Variants in CANX observed in about 807,000 individuals in gnomAD.
The protein encoded by CANX is calnexin.
A neutral mutation model predicts 75.7 loss-of-function variants in CANX; 14 were observed. That is an observed-to-expected ratio of 0.19 (90% confidence interval 0.12 to 0.29). CANX has a LOEUF of 0.29. CANX is among the 10% of genes least tolerant of loss of function. The pLI, the probability that CANX is intolerant of heterozygous loss-of-function variation, is 1.00. For missense variants in CANX, 567 were observed against 713.2 expected (o/e 0.79, Z 2.34); for synonymous variants, 227 against 236.9 (o/e 0.96, Z 0.38).
chr5:179,698,624 G>A (rs775510154), upstream of CANX: 1 of 1,272,534 alleles, frequency 7.9e-7, no homozygotes, highest in South Asian at 1.2e-5. Flanking sequence ...CTGGGGGTTG[G>A]GTTGGAACGC....
intron 1 of CANX, among the ~76,000 whole-genome samples, chr5:179,688,479 T>G (rs993987399): frequency 1.3e-5 from 2 of 150,026 alleles, no homozygotes; most frequent in Non-Finnish European, 3.0e-5. Context: ...TTCTTCTGCC[T>G]TAGCCTGCCA....
Position 179,728,858 on chromosome 5 carries a change from G to T in CANX, c.*214G>T. On this transcript the variant is annotated 3_prime_UTR_variant, in exon 15 of 15. Transcript: ENST00000247461. ...TAAAGGACCCTGTTTCTGTAGAAAA[G>T]AAAACATTTAACATAATGGTTGTGA... is the stretch of plus-strand genomic sequence containing the variant. 1 of 629,082 alleles carries T rather than the reference G, an allele frequency of 1.6e-6. No homozygotes were observed. Among genetic ancestry groups the T allele is most frequent in the Non-Finnish European group, 2.9e-6 (1 of 342,034 alleles). 39.0% of individuals were successfully genotyped at this position (629,082 alleles called of 1,614,324 possible).
At chr5:179,698,541 C>T (rs1184258488), upstream of CANX, 1 of 1,289,440 alleles carries the variant, frequency 7.8e-7, no homozygotes, top group African/African-American at 1.5e-5. Flanking sequence ...TGCCGGCTGC[C>T]GTTTGCCCCG....
rs1003280526 is a variant in CANX, at chr5:179,678,853, G to A, written c.-4+76G>A. 6 of 1,536,534 alleles carry A rather than the reference G, an allele frequency of 3.9e-6. No individual in the cohort carries two copies. In the African/African-American group the frequency reaches 5.5e-5, roughly 14 times the overall value. ...CCTTCCAGCCCCAGGCGGTCCGCGA[G>A]AGCAGCGGCGACCGCGTCCTCGCCA... On this transcript the variant is annotated intron_variant, in intron 1 of 14. Transcript: ENST00000681674.
Position 179,708,999 on chromosome 5 carries a change from T to C in CANX, c.468T>C (p.Asn156=), listed in dbSNP as rs1581857803. The change falls in exon 6 of 15, where the codon AAT becomes AAC. Residue 156 remains asparagine, a synonymous_variant. Coordinates refer to ENST00000247461, the MANE Select transcript of CANX (RefSeq NM_001746.4). ...LIVQYEVNFQ[N]GIECGGAYVK... is the part of the protein sequence containing the mutation. ...TTAGGTATGAGGTTAATTTCCAAAA[T>C]GGAATAGAATGTGGTGGTGCCTATG... 1 of 1,595,486 alleles carries C rather than the reference T, an allele frequency of 6.3e-7. No homozygotes were observed. Among genetic ancestry groups the C allele is most frequent in the Non-Finnish European group, 8.6e-7 (1 of 1,162,986 alleles).
intron 11 of CANX, chr5:179,723,412 T>TTAA: frequency 2.1e-6 from 1 of 471,162 alleles, no homozygotes; most frequent in Non-Finnish European, 3.7e-6. Flanking sequence ...GATCCTGAGG[T>TTAA]TAAGGGAGCC....
intron 1 of CANX, among the ~76,000 whole-genome samples, chr5:179,686,769 T>C (rs775947727): frequency 7.9e-5 from 12 of 151,988 alleles, no homozygotes; most frequent in Non-Finnish European, 1.3e-4. Context: ...CCTGCTCAAA[T>C]TGCAGTTTTT....
chr5:179,723,205 G>GAA (rs770985682), intron 11 of CANX, among the ~76,000 whole-genome samples, 186 bp downstream of exon 11: 53 of 152,040 alleles, frequency 3.5e-4, no homozygotes, highest in Admixed American at 1.7e-3. Context: ...AGTGGCTTTA[G>GAA]AGTCTGTTTG....
At chr5:179,698,911 G>C (rs995800616), upstream of CANX, 1 of 1,155,680 alleles carries the variant, frequency 8.7e-7, no homozygotes, top group African/African-American at 1.7e-5. Context: ...TGGCTACTCA[G>C]GGGCCAGGGG....
At chr5:179,707,412 G>A (rs1032707794) in intron 4 of CANX, among the ~76,000 whole-genome samples, 12 of 151,902 alleles carry the variant, frequency 7.9e-5, no homozygotes, top group East Asian at 1.9e-4. Flanking sequence ...GTGAAACCCC[G>A]TCTCTACTGA....
chr5:179,704,837 A>G (rs957572010), intron 1 of CANX, among the ~76,000 whole-genome samples: 1 of 152,134 alleles, frequency 6.6e-6, no homozygotes, highest in African/African-American at 2.4e-5. Flanking sequence ...ATCCATCACA[A>G]AATAAATAAA....
At chr5:179,727,684 G>GTT (rs984148238) in intron 14 of CANX, among the ~76,000 whole-genome samples, 1 of 152,174 alleles carries the variant, frequency 6.6e-6, no homozygotes, top group African/African-American at 2.4e-5. Context: ...TGTCTGCTGT[G>GTT]TTTCCTATAT....
At chr5:179,716,375 A>C (rs1045267788) in intron 8 of CANX, 81 bp downstream of exon 8, 2 of 981,734 alleles carry the variant, frequency 2.0e-6, no homozygotes, top group Non-Finnish European at 1.5e-6. Context: ...ATGTTGGTTG[A>C]GTAAGCTCTG....
At chr5:179,715,982 T>C (rs1777924531) in intron 7 of CANX, 123 bp from the exon 8 acceptor site, 1 of 761,248 alleles carries the variant, frequency 1.3e-6, no homozygotes, top group Non-Finnish European at 2.3e-6. Context: ...CAGGCATTGT[T>C]CTTACCCCAA....
At chr5:179,692,389 T>A (rs1277660549) in intron 1 of CANX, among the ~76,000 whole-genome samples, 2 of 152,030 alleles carry the variant, frequency 1.3e-5, no homozygotes, top group Non-Finnish European at 2.9e-5. Context: ...GTGTTCCTTA[T>A]AACCAAAAAG....
chr5:179,692,936 G>T (rs1482910881), intron 1 of CANX, among the ~76,000 whole-genome samples: 2 of 151,884 alleles, frequency 1.3e-5, no homozygotes, highest in East Asian at 3.9e-4. Context: ...CACGAGGTCA[G>T]GAGTTCAAGA....
intron 1 of CANX, among the ~76,000 whole-genome samples, chr5:179,683,303 A>ATT (rs1200735850): frequency 2.1e-5 from 3 of 143,230 alleles, no homozygotes; most frequent in African/African-American, 5.1e-5. Flanking sequence ...AATTTTTTGT[A>ATT]TTTTTTTTTT....
upstream of CANX, chr5:179,698,443 C>T (rs1046503535): frequency 2.3e-6 from 3 of 1,285,508 alleles, no homozygotes; most frequent in South Asian, 3.7e-5. Flanking sequence ...GCCAGGCGCT[C>T]GCGCTGGGTT....
In CANX at chr5:179,729,380, T is replaced by A. The variant is rs1361949512; in HGVS notation, c.*736T>A. ...TGGAGGAGGTGGCTTCATGTGGCAC[T>A]TGGGCATTTATATTCCACTTGGGAG... On this transcript the variant is annotated 3_prime_UTR_variant, in exon 15 of 15. Coordinates refer to ENST00000247461, the MANE Select transcript of CANX (RefSeq NM_001746.4). 6.5e-6 allele frequency: 1 copy of A among 153,448 alleles called. No homozygotes were observed. The highest frequency in any genetic ancestry group is 1.5e-5 in the Non-Finnish European group (1 of 68,568). The allele number at this position is 153,448 out of a possible 1,614,324, so 9.5% of individuals were successfully genotyped here. A position where few individuals can be genotyped will look rare whatever the true frequency, so the allele number is the denominator to read the frequency against.
Sources: gnomAD v4.1 joint callset for allele counts (sites outside exome capture counted in the v4.1 genomes callset) on GRCh38, gnomAD v4.1.1 for gene constraint, MANE v1.5 for transcripts, NCBI Gene and HGNC (gene_info 2026-07-23, HGNC 2026-07-21) for gene names.